Variants in KLHL1 observed in about 807,000 individuals in gnomAD.
KLHL1 encodes kelch-like protein 1.
KLHL1 carries 47 observed loss-of-function variants against 77.7 expected under a neutral mutation model. That is an observed-to-expected ratio of 0.60 (90% CI 0.48 to 0.77). The LOEUF (loss-of-function observed/expected upper bound fraction) is 0.77, where lower values mean the gene tolerates loss of function less well. Among genes scored for constraint, KLHL1 ranks in the 30% least tolerant of loss-of-function variants. The probability of loss-of-function intolerance (pLI) is 0.00; values close to 1 mark genes in which losing one functional copy is unlikely to be tolerated. For synonymous variants in KLHL1, 360 were observed against 325.2 expected, an observed-to-expected ratio of 1.11 and a Z score of -1.15; for missense variants, 925 against 910.8, an observed-to-expected ratio of 1.02 and a Z score of -0.20.
intron 3 of KLHL1, among the ~76,000 whole-genome samples, chr13:69,959,190 T>A (rs1883988595): frequency 1.3e-5 from 2 of 152,032 alleles, no homozygotes; most frequent in Admixed American, 6.6e-5. Context: ...AGCAGGGAGC[T>A]TTGAAACACC....
At chr13:70,025,240 A>C (rs1318019645) in intron 1 of KLHL1, among the ~76,000 whole-genome samples, 1 of 152,012 alleles carries the variant, frequency 6.6e-6, no homozygotes, top group African/African-American at 2.4e-5. Context: ...TGTATGTTTT[A>C]AATATAATCT....
At position 69,848,105 on chromosome 13, in the gene KLHL1, G is replaced by A. The variant is rs545209563; in HGVS notation, c.1228-8943C>T. Reference sequence around the variant, plus strand: ...CCAGGAACACAATAAATAGTGAGCCGTGGCTAGGACTGTCAAACTGTACAA... The same window carrying A: ...CCAGGAACACAATAAATAGTGAGCCATGGCTAGGACTGTCAAACTGTACAA... On this transcript the variant is annotated intron_variant, in intron 5 of 10. Coordinates refer to ENST00000377844, the MANE Select transcript of KLHL1 (RefSeq NM_020866.3). Among the ~76,000 whole-genome samples, 6 of 151,414 alleles carry A rather than the reference G, an allele frequency of 4.0e-5. No homozygotes were observed. The South Asian group carries it at 6.2e-4, about 16-fold the overall frequency.
chr13:69,751,114 G>GTA (rs1874459854), intron 7 of KLHL1, among the ~76,000 whole-genome samples: 2 of 71,614 alleles, frequency 2.8e-5, no homozygotes, highest in South Asian at 1.0e-3. Flanking sequence ...ATGTGTGTAT[G>GTA]TGTGTGTGTG....
chr13:69,949,194 C>T lies in KLHL1; in HGVS notation c.818-8958G>A, dbSNP rs112236995. ...TAAAATGTGTACTTCCTTTACATTC[C>T]TTAGATTTTTTTTTCTTTTCTTACC... On this transcript the variant is annotated intron_variant, in intron 3 of 10. Coordinates refer to ENST00000377844, the MANE Select transcript of KLHL1 (RefSeq NM_020866.3). Among the ~76,000 whole-genome samples the T allele has an allele frequency of 6.6e-3, 1,005 of 151,466 alleles. 11 individuals carry two copies. The highest frequency in any genetic ancestry group is 0.024 in the African/African-American group (973 of 41,322).
rs74092454 is a variant in KLHL1, at chr13:69,701,525, G to A, written c.*177C>T. 3,000 of 546,006 alleles carry A rather than the reference G, an allele frequency of 5.5e-3. 87 individuals carry two copies. The highest frequency in any genetic ancestry group is 0.053 in the African/African-American group (2,651 of 50,378). 33.8% of individuals were successfully genotyped at this position (546,006 alleles called of 1,614,324 possible). On this transcript the variant is annotated 3_prime_UTR_variant, in exon 11 of 11. Coordinates refer to ENST00000377844, the MANE Select transcript of KLHL1 (RefSeq NM_020866.3). ...GACATTTTTCCTGTATAAGTTTAAT[G>A]TTTTCTTGTTTCCTACTATTCTGTT...
chr13:69,728,661 AG>A (rs1444850494), intron 8 of KLHL1, among the ~76,000 whole-genome samples: 7 of 151,418 alleles, frequency 4.6e-5, no homozygotes, highest in African/African-American at 1.7e-4. Context: ...AAAAAAAAAA[AG>A]CAAAGTGTGG....
intron 2 of KLHL1, among the ~76,000 whole-genome samples, chr13:69,970,894 A>C (rs540526880): frequency 7.9e-5 from 12 of 152,162 alleles, no homozygotes; most frequent in African/African-American, 2.9e-4. Context: ...CATCCTTCAA[A>C]ATACTGCTCA....
At chr13:69,776,151 G>A (rs9572274) in intron 7 of KLHL1, among the ~76,000 whole-genome samples, 31,465 of 150,562 alleles carry the variant, frequency 0.21, 3,609 homozygotes, top group South Asian at 0.31. Flanking sequence ...GTGAGACTCC[G>A]TCTCGGAAAA....
At chr13:69,939,948 C>G (rs1817837773) in intron 4 of KLHL1, 92 bp downstream of exon 4, 1 of 958,326 alleles carries the variant, frequency 1.0e-6, no homozygotes. Context: ...TCATTTTAAA[C>G]TTAAAAAACT....
intron 1 of KLHL1, among the ~76,000 whole-genome samples, chr13:69,985,059 C>T (rs1884823695): frequency 6.6e-6 from 1 of 152,084 alleles, no homozygotes; most frequent in Non-Finnish European, 1.5e-5. Flanking sequence ...TTGCAGTGAG[C>T]CGAGATTGCA....
intron 1 of KLHL1, among the ~76,000 whole-genome samples, chr13:70,105,997 T>A (rs1357713656): frequency 1.3e-5 from 2 of 150,644 alleles, no homozygotes; most frequent in African/African-American, 4.8e-5. Flanking sequence ...ATATATATAA[T>A]GTATATAATT....
intron 1 of KLHL1, among the ~76,000 whole-genome samples, chr13:70,036,834 T>TG (rs1491407982): frequency 1.3e-4 from 9 of 70,464 alleles, no homozygotes; most frequent in African/African-American, 4.0e-4. Flanking sequence ...AATGCCATGG[T>TG]CTTTTTTTTT....
At chr13:70,053,943 C>T (rs1732248204) in intron 1 of KLHL1, among the ~76,000 whole-genome samples, 1 of 152,130 alleles carries the variant, frequency 6.6e-6, no homozygotes, top group African/African-American at 2.4e-5. Flanking sequence ...CATAAAGTCT[C>T]AGTTCTTCTG....
At chr13:70,033,520 G>A (rs1886162743) in intron 1 of KLHL1, among the ~76,000 whole-genome samples, 1 of 150,598 alleles carries the variant, frequency 6.6e-6, no homozygotes, top group Admixed American at 6.6e-5. Context: ...TGTTAGCCAG[G>A]ATGGTCTCAA....
intron 4 of KLHL1, among the ~76,000 whole-genome samples, chr13:69,896,655 C>T (rs1194788802): frequency 1.3e-5 from 2 of 151,182 alleles, no homozygotes; most frequent in African/African-American, 2.5e-5. Context: ...ATGGCTTTAC[C>T]GTCAAAGTAT....
intron 1 of KLHL1, among the ~76,000 whole-genome samples, chr13:70,065,790 C>T (rs1886993871): frequency 6.6e-6 from 1 of 151,966 alleles, no homozygotes; most frequent in African/African-American, 2.4e-5. Flanking sequence ...ACCTGAACAT[C>T]AGTTTATGTA....
At chr13:69,919,382 C>A (rs1212316824) in intron 4 of KLHL1, among the ~76,000 whole-genome samples, 1 of 151,946 alleles carries the variant, frequency 6.6e-6, no homozygotes, top group Non-Finnish European at 1.5e-5. Context: ...ATAAATTTTT[C>A]TTTACTGGAT....
At chr13:69,977,290 T>C (rs1884571831) in intron 1 of KLHL1, among the ~76,000 whole-genome samples, 1 of 152,020 alleles carries the variant, frequency 6.6e-6, no homozygotes, top group Non-Finnish European at 1.5e-5. Context: ...AAAAATAACT[T>C]TCATTGGTCT....
intron 1 of KLHL1, among the ~76,000 whole-genome samples, chr13:70,054,619 CAG>C (rs1475242467): frequency 1.3e-5 from 2 of 151,276 alleles, no homozygotes; most frequent in Non-Finnish European, 2.9e-5. Context: ...ACCTTTCAGA[CAG>C]AGAGTTTAAA....
Sources: gnomAD v4.1 joint callset for allele counts (sites outside exome capture counted in the v4.1 genomes callset) on GRCh38, gnomAD v4.1.1 for gene constraint, MANE v1.5 for transcripts, NCBI Gene and HGNC (gene_info 2026-07-23, HGNC 2026-07-21) for gene names.